The following FBN2 variants were observed in gnomAD, a reference collection of about 807,000 sequenced individuals.
FBN2 encodes fibrillin-2.
FBN2 carries 105 observed loss-of-function variants against 355.6 expected under a neutral mutation model. The observed-to-expected ratio is 0.30, with a 90% CI of 0.25 to 0.35. FBN2 has a LOEUF of 0.35. Ranked by LOEUF, FBN2 falls within the 10% of genes least tolerant of loss-of-function variation. The pLI, the probability that FBN2 is intolerant of heterozygous loss-of-function variation, is 1.00. For synonymous variants in FBN2, 1,350 were observed against 1,301.2 expected, an observed-to-expected ratio of 1.04 and a Z score of -0.81; for missense variants, 3,280 against 3,758.7, an observed-to-expected ratio of 0.87 and a Z score of 3.33.
chr5:128,443,002 T>C (rs1753962840), intron 7 of FBN2, among the ~76,000 whole-genome samples: 1 of 152,196 alleles, frequency 6.6e-6, no homozygotes, highest in Non-Finnish European at 1.5e-5. Context: ...AAAAACTATA[T>C]ATGCTCAAAC....
In FBN2 at chr5:128,378,828, A is replaced by G. The variant is rs1256710897; in HGVS notation, c.1666T>C (p.Tyr556His). ...NGDCVNTPGS[Y>H]YCKCHAGFQR... ...AATCCAGCATGACATTTACAATAAT[A>G]GGAACCAGGTGTGTTAACACAATCT... The change falls in exon 12 of 65, where the codon TAT becomes CAT. Residue 556 changes from tyrosine (Y) to histidine (H), a missense_variant. By Grantham distance (83) the Tyr-to-His change is moderately conservative (BLOSUM62 2). Around this residue, in one of 6 missense-constraint regions of FBN2, gnomAD observed 2,284 missense variants for 2,749.5 expected, o/e 0.83. Transcript: ENST00000262464. 7.4e-6 allele frequency: 12 copies of G among 1,613,082 alleles called. No homozygotes were observed. In the African/African-American group the frequency reaches 1.6e-4, roughly 22 times the overall value.
At chr5:128,343,396 A>G (rs1361854120) in intron 25 of FBN2, among the ~76,000 whole-genome samples, 1 of 152,156 alleles carries the variant, frequency 6.6e-6, no homozygotes, top group Admixed American at 6.5e-5. Context: ...AGAAAGCCAG[A>G]TGGACAGCTG....
At chr5:128,325,409 T>C (rs932061618) in intron 34 of FBN2, among the ~76,000 whole-genome samples, 2 of 152,258 alleles carry the variant, frequency 1.3e-5, no homozygotes, top group African/African-American at 4.8e-5. Context: ...GTCTGTCTTA[T>C]CAGAGACTAA....
At chr5:128,519,626 T>G (rs1186115016) in intron 4 of FBN2, among the ~76,000 whole-genome samples, 2 of 149,750 alleles carry the variant, frequency 1.3e-5, no homozygotes, top group South Asian at 2.1e-4. Flanking sequence ...AGGTTTTTTG[T>G]TTTTTTTTTA....
chr5:128,420,081 A>T (rs1489574021), intron 7 of FBN2, among the ~76,000 whole-genome samples: 2 of 152,048 alleles, frequency 1.3e-5, no homozygotes, highest in African/African-American at 4.8e-5. Flanking sequence ...TTTTTTCTTC[A>T]ATTTTCAGAG....
chr5:128,386,034 C>T (rs1232170827), intron 11 of FBN2, among the ~76,000 whole-genome samples: 2 of 152,056 alleles, frequency 1.3e-5, no homozygotes, highest in African/African-American at 2.4e-5. Context: ...AATTGGGTCT[C>T]ATTTGTCAAT....
intron 34 of FBN2, among the ~76,000 whole-genome samples, chr5:128,326,083 C>T (rs911960897): frequency 5.3e-5 from 8 of 152,254 alleles, no homozygotes; most frequent in East Asian, 1.9e-4. Context: ...TTCTTCCTTT[C>T]GTTTTCACAG....
At chr5:128,520,488 G>A (rs1736367529) in intron 4 of FBN2, among the ~76,000 whole-genome samples, 1 of 152,158 alleles carries the variant, frequency 6.6e-6, no homozygotes, top group Non-Finnish European at 1.5e-5. Flanking sequence ...TTAAAGGGAA[G>A]TGGGGGGCCA....
At chr5:128,492,687 C>A (rs1755540917) in intron 5 of FBN2, among the ~76,000 whole-genome samples, 1 of 151,350 alleles carries the variant, frequency 6.6e-6, no homozygotes, top group African/African-American at 2.4e-5. Context: ...CCTGTAATCC[C>A]AGCTACTCGG....
At chr5:128,298,067 A>G (rs1749580340) in intron 48 of FBN2, among the ~76,000 whole-genome samples, 2 of 149,916 alleles carry the variant, frequency 1.3e-5, no homozygotes, top group South Asian at 4.2e-4. Flanking sequence ...GCTTGTCTGT[A>G]AAGTATTTTA....
chr5:128,292,797 T>C (rs987073473), intron 48 of FBN2, among the ~76,000 whole-genome samples: 1 of 152,102 alleles, frequency 6.6e-6, no homozygotes, highest in South Asian at 2.1e-4. Context: ...CATTTAAGAG[T>C]GACCTAGACA....
At chr5:128,353,732 A>G (rs573837778) in intron 20 of FBN2, among the ~76,000 whole-genome samples, 1 of 152,226 alleles carries the variant, frequency 6.6e-6, no homozygotes. Flanking sequence ...CAACCCTGTG[A>G]ATTATGTACA....
intron 5 of FBN2, among the ~76,000 whole-genome samples, chr5:128,506,653 G>A (rs1256609678): frequency 2.0e-5 from 3 of 151,934 alleles, no homozygotes; most frequent in Non-Finnish European, 4.4e-5. Context: ...TCTTTGTATT[G>A]CCTATTGCCA....
intron 64 of FBN2, 51 bp downstream of exon 64, chr5:128,261,685 T>C: frequency 6.4e-7 from 1 of 1,570,554 alleles, no homozygotes; most frequent in South Asian, 1.1e-5. Flanking sequence ...ACTGTATACA[T>C]GACTCCGTAG....
chr5:128,504,853 G>A (rs755530914), intron 5 of FBN2, among the ~76,000 whole-genome samples: 12 of 152,254 alleles, frequency 7.9e-5, no homozygotes, highest in Middle Eastern at 3.4e-3. Context: ...GGAGGAGCCC[G>A]GGGCAGAATG....
rs369788292 is a variant in FBN2, at chr5:128,462,472, G to A, written c.826+2252C>T. Among the ~76,000 whole-genome samples the A allele has an allele frequency of 2.6e-5, 4 of 152,156 alleles. No homozygotes were observed. The South Asian group carries it at 8.3e-4, about 32-fold the overall frequency. ...GACTATGCCATGATTTTGAAATAAA[G>A]CAGAACTTTTCAACGTGCTTTTCCA... On this transcript the variant is annotated intron_variant, in intron 6 of 64. Coordinates refer to ENST00000262464, the MANE Select transcript of FBN2 (RefSeq NM_001999.4).
chr5:128,498,335 G>A (rs930060651), intron 5 of FBN2, among the ~76,000 whole-genome samples: 1 of 152,218 alleles, frequency 6.6e-6, no homozygotes, highest in Non-Finnish European at 1.5e-5. Context: ...GATAATTAAT[G>A]AATATAGCAC....
chr5:128,288,662 G>A (rs1749227663), intron 52 of FBN2, 105 bp from the exon 53 acceptor site: 1 of 1,306,352 alleles, frequency 7.7e-7, no homozygotes, highest in East Asian at 2.3e-5. Flanking sequence ...GATCTGAGAA[G>A]GGCACATGTA....
chr5:128,481,871 G>A (rs1755200668), intron 5 of FBN2, among the ~76,000 whole-genome samples: 1 of 152,040 alleles, frequency 6.6e-6, no homozygotes, highest in Admixed American at 6.6e-5. Context: ...TTTCTGCTCG[G>A]TAAGCAGATT....
Sources: gnomAD v4.1 joint callset for allele counts (sites outside exome capture counted in the v4.1 genomes callset) on GRCh38, gnomAD v4.1.1 for gene constraint, gnomAD v4.1.1 regional missense constraint, MANE v1.5 for transcripts, NCBI Gene and HGNC (gene_info 2026-07-23, HGNC 2026-07-21) for gene names.